SPATA6: variants seen among roughly 807,000 people sequenced by gnomAD.
The protein encoded by SPATA6 is spermatogenesis-associated protein 6.
Under a neutral mutation model 65.3 loss-of-function variants are expected in SPATA6, and 56 were observed. The ratio of observed to expected loss-of-function variants is 0.86; its 90% CI spans 0.69 to 1.07. The LOEUF (loss-of-function observed/expected upper bound fraction) is 1.07. Among genes scored for constraint, SPATA6 ranks in the 50% least tolerant of loss-of-function variants. SPATA6 has a pLI of 0.00. For synonymous variants in SPATA6, 199 were observed against 213.2 expected (o/e 0.93, Z 0.58); for missense variants, 590 against 594.8 (o/e 0.99, Z 0.08).
intron 11 of SPATA6, among the ~76,000 whole-genome samples, chr1:48,310,263 A>G (rs1183099237): frequency 1.3e-5 from 2 of 152,234 alleles, no homozygotes; most frequent in African/African-American, 4.8e-5. Context: ...TCTTCCAGGC[A>G]ATCTCCAGCA....
At chr1:48,418,022 T>TAAAATGGATGTTCTTTTAAAC (rs1652943044) in intron 3 of SPATA6, among the ~76,000 whole-genome samples, 1 of 152,188 alleles carries the variant, frequency 6.6e-6, no homozygotes, top group Non-Finnish European at 1.5e-5. Flanking sequence ...CTTCTTTTAC[T>TAAAATGGATGTTCTTTTAAAC]AAAATGGATG....
downstream of SPATA6, among the ~76,000 whole-genome samples, chr1:48,291,308 C>G (rs923265115): frequency 6.6e-6 from 1 of 152,178 alleles, no homozygotes; most frequent in Non-Finnish European, 1.5e-5. Context: ...GAGATTATGT[C>G]CCTTGTCTTT....
At chr1:48,330,163 C>T (rs1374948771) in intron 11 of SPATA6, among the ~76,000 whole-genome samples, 1 of 152,178 alleles carries the variant, frequency 6.6e-6, no homozygotes, top group Non-Finnish European at 1.5e-5. Context: ...AATCCTCCCA[C>T]CCCCACCACT....
At chr1:48,360,227 C>T (rs1176975297) in intron 9 of SPATA6, among the ~76,000 whole-genome samples, 1 of 152,004 alleles carries the variant, frequency 6.6e-6, no homozygotes, top group Non-Finnish European at 1.5e-5. Flanking sequence ...AATTCCTGCT[C>T]CTGTGGAACA....
downstream of SPATA6, among the ~76,000 whole-genome samples, chr1:48,293,065 C>A (rs531082243): frequency 6.6e-6 from 1 of 152,320 alleles, no homozygotes; most frequent in African/African-American, 2.4e-5. Flanking sequence ...GAAGACCAGG[C>A]CGCTATGAAC....
chr1:48,316,741 A>G (rs1645436176), intron 11 of SPATA6, among the ~76,000 whole-genome samples: 2 of 152,246 alleles, frequency 1.3e-5, no homozygotes, highest in Admixed American at 1.3e-4. Context: ...CAGAGTGAAC[A>G]GGCAACCCAC....
intron 1 of SPATA6, among the ~76,000 whole-genome samples, chr1:48,467,803 T>C (rs1005009307): frequency 1.3e-5 from 2 of 152,172 alleles, no homozygotes; most frequent in Admixed American, 6.5e-5. Context: ...TTACCATCTC[T>C]AATCATCAGG....
the SPATA6 span, among the ~76,000 whole-genome samples, chr1:48,277,208 C>A: frequency 6.6e-6 from 1 of 151,300 alleles, no homozygotes; most frequent in African/African-American, 2.4e-5. Context: ...GCCAAGATGG[C>A]CAAATAGGAA....
intron 11 of SPATA6, among the ~76,000 whole-genome samples, chr1:48,341,055 T>C (rs961552060): frequency 6.6e-6 from 1 of 152,112 alleles, no homozygotes; most frequent in Non-Finnish European, 1.5e-5. Context: ...AACACTAGTA[T>C]TGGGAAAACA....
At chr1:48,436,478 G>A in intron 3 of SPATA6, 1 of 1,608,482 alleles carries the variant, frequency 6.2e-7, no homozygotes, top group Non-Finnish European at 8.5e-7. Context: ...GCTGTGAGAG[G>A]GTTGAACTAT....
At chr1:48,436,593 G>A (rs1354901631) in intron 3 of SPATA6, 1 of 1,613,330 alleles carries the variant, frequency 6.2e-7, no homozygotes, top group African/African-American at 1.3e-5. Flanking sequence ...TGCATAGTTT[G>A]GTTAAGCATG....
At chr1:48,399,235 C>A (rs1650903327) in intron 7 of SPATA6, 116 bp downstream of exon 7, 1 of 1,228,312 alleles carries the variant, frequency 8.1e-7, no homozygotes. Context: ...GGGTAGCAGT[C>A]AGAAGAGAAA....
Position 48,298,653 on chromosome 1 carries a change from C to T in SPATA6, c.*60G>A. On this transcript the variant is annotated 3_prime_UTR_variant, in exon 13 of 13. Coordinates refer to ENST00000371847, the MANE Select transcript of SPATA6 (RefSeq NM_019073.4). ...AAAAAAGGAATACAGATATTGATCA[C>T]ATCAAACATTTTCATTGAGAAATTG... 1.3e-6 allele frequency: 2 copies of T among 1,499,352 alleles called. No homozygotes were observed. Among genetic ancestry groups the T allele is most frequent in the South Asian group, 2.7e-5 (2 of 73,706 alleles). 92.9% of individuals were successfully genotyped at this position (1,499,352 alleles called of 1,614,324 possible).
chr1:48,408,055 A>T lies in SPATA6; in HGVS notation c.405+3409T>A, dbSNP rs1651868869. On this transcript the variant is annotated intron_variant, in intron 5 of 12. Coordinates refer to ENST00000371847, the MANE Select transcript of SPATA6 (RefSeq NM_019073.4). ...GAAGCATGCTAATGGACACTGAAAT[A>T]TCCCCAAAGAAAGTATAGTTTTATA... 1.3e-5 allele frequency among the ~76,000 whole-genome samples: 2 copies of T among 152,358 alleles called. 1 individual carries two copies. Among genetic ancestry groups the T allele is most frequent in the Admixed American group, 1.3e-4 (2 of 15,308 alleles).
Position 48,399,477 on chromosome 1 carries a change from T to G in SPATA6, c.654A>C (p.Pro218=). Residue 218 remains proline (P), a synonymous_variant, in exon 7 of 13, where the codon CCA becomes CCC. Transcript: ENST00000371847. ...QPTISSKSHS[P]SPYTKRRMCE... ...ACATGCGTCTTTTTGTGTAGGGAGA[T>G]GGAGAGTGTGATTTTGAAGAAATTG... 6.2e-7 allele frequency: 1 copy of G among 1,613,240 alleles called. No individual in the cohort carries two copies. The highest frequency in any genetic ancestry group is 8.5e-7 in the Non-Finnish European group (1 of 1,179,504).
At chr1:48,289,580 G>T in the SPATA6 span, among the ~76,000 whole-genome samples, 3 of 152,126 alleles carry the variant, frequency 2.0e-5, no homozygotes, top group Non-Finnish European at 4.4e-5. Flanking sequence ...CAAACCCATC[G>T]CAAAGAAGCT....
intron 9 of SPATA6, among the ~76,000 whole-genome samples, chr1:48,382,361 G>A (rs1648755690): frequency 1.9e-5 from 2 of 108,090 alleles, no homozygotes; most frequent in South Asian, 4.0e-4. Context: ...CCTCCCGGAC[G>A]GGGCGGCTGG....
At chr1:48,386,644 G>A (rs950655319) in intron 8 of SPATA6, among the ~76,000 whole-genome samples, 9 of 152,174 alleles carry the variant, frequency 5.9e-5, no homozygotes, top group African/African-American at 2.2e-4. Context: ...AAGGGTAAGT[G>A]AGAGACTCTC....
intron 11 of SPATA6, among the ~76,000 whole-genome samples, chr1:48,328,417 C>T (rs1300246461): frequency 6.6e-6 from 1 of 151,994 alleles, no homozygotes; most frequent in Non-Finnish European, 1.5e-5. Flanking sequence ...AATGTAATAC[C>T]ATCCAGCCAT....
Sources: gnomAD v4.1 joint callset for allele counts (sites outside exome capture counted in the v4.1 genomes callset) on GRCh38, gnomAD v4.1.1 for gene constraint, MANE v1.5 for transcripts, NCBI Gene and HGNC (gene_info 2026-07-23, HGNC 2026-07-21) for gene names.